Variants in ARNT2 observed in about 807,000 individuals in gnomAD.
ARNT2 encodes aryl hydrocarbon receptor nuclear translocator 2, also known as ARNT protein 2.
A neutral mutation model predicts 91.7 loss-of-function variants in ARNT2; 36 were observed. The ratio of observed to expected loss-of-function variants is 0.39; its 90% CI spans 0.30 to 0.52. The LOEUF (loss-of-function observed/expected upper bound fraction) is 0.52, where lower values mean the gene tolerates loss of function less well. Ranked by LOEUF, ARNT2 falls within the 20% of genes least tolerant of loss-of-function variation. ARNT2 has a pLI of 0.72. For missense variants in ARNT2, 775 were observed against 939.3 expected (o/e 0.83, Z 2.29); for synonymous variants, 365 against 347.1 (o/e 1.05, Z -0.57).
intron 3 of ARNT2, among the ~76,000 whole-genome samples, chr15:80,467,164 T>A (rs1896667588): frequency 3.5e-5 from 3 of 86,388 alleles, no homozygotes; most frequent in African/African-American, 8.5e-5. Context: ...AACATCAGTC[T>A]GGCCACAACA....
intron 1 of ARNT2, among the ~76,000 whole-genome samples, chr15:80,418,029 T>A (rs1895811655): frequency 6.6e-6 from 1 of 152,226 alleles, no homozygotes. Flanking sequence ...GGATGGTACC[T>A]GGCACACAGT....
intron 1 of ARNT2, among the ~76,000 whole-genome samples, chr15:80,438,812 C>T (rs536984007): frequency 4.6e-5 from 7 of 152,266 alleles, no homozygotes; most frequent in African/African-American, 7.2e-5. Context: ...GCCTCAGCCT[C>T]CCAAGTAGCT....
chr15:80,497,138 A>G (rs1000573968), intron 5 of ARNT2, among the ~76,000 whole-genome samples: 5 of 152,238 alleles, frequency 3.3e-5, no homozygotes, highest in African/African-American at 1.2e-4. Context: ...TGGTTATTCA[A>G]TCAAACACTA....
At position 80,513,072 on chromosome 15, in the gene ARNT2, C is replaced by T. The variant is rs1037417759; in HGVS notation, c.726-839C>T. Among the ~76,000 whole-genome samples, 8 of 152,322 alleles carry T rather than the reference C, an allele frequency of 5.3e-5. No homozygotes were observed. In the South Asian group the frequency reaches 1.7e-3, roughly 32 times the overall value. On this transcript the variant is annotated intron_variant, in intron 6 of 18. Coordinates refer to ENST00000303329, the MANE Select transcript of ARNT2 (RefSeq NM_014862.4). ...AGCTGTCTAAGGTCTCAGAGTATAA[C>T]TAGACTCTTATCCCTGCTGTATTGA...
chr15:80,416,279 T>C (rs531570209), intron 1 of ARNT2, among the ~76,000 whole-genome samples: 2 of 152,002 alleles, frequency 1.3e-5, no homozygotes, highest in East Asian at 4.0e-4. Context: ...TTTTACCATG[T>C]TGGCTTTATC....
At chr15:80,483,402 C>G (rs1011619401) in intron 5 of ARNT2, among the ~76,000 whole-genome samples, 2 of 152,214 alleles carry the variant, frequency 1.3e-5, no homozygotes, top group Non-Finnish European at 2.9e-5. Flanking sequence ...GACTCAACTG[C>G]CCTACTTGTG....
At chr15:80,567,160 A>G (rs1024900552) in intron 12 of ARNT2, among the ~76,000 whole-genome samples, 6 of 152,122 alleles carry the variant, frequency 3.9e-5, no homozygotes, top group Admixed American at 1.3e-4. Context: ...TGGGTTATGG[A>G]GGGTGCTGAG....
chr15:80,428,402 A>T (rs1265541712), intron 1 of ARNT2, among the ~76,000 whole-genome samples: 3 of 152,368 alleles, frequency 2.0e-5, no homozygotes, highest in African/African-American at 7.2e-5. Flanking sequence ...TCCATGGACT[A>T]GCAAGTGAGG....
chr15:80,591,895 G>T lies in ARNT2; in HGVS notation c.2055+191G>T, dbSNP rs1234434682. Among the ~76,000 whole-genome samples the T allele has an allele frequency of 6.6e-6, 1 of 152,188 alleles. No individual in the cohort carries two copies. Among genetic ancestry groups the T allele is most frequent in the Non-Finnish European group, 1.5e-5 (1 of 68,014 alleles). On this transcript the variant is annotated intron_variant, in intron 18 of 18. Coordinates refer to ENST00000303329, the MANE Select transcript of ARNT2 (RefSeq NM_014862.4). This position sits in a 1 kb window ranked among gnomAD's most constrained non-coding sequence, Gnocchi z 5.1. ...AGAAACGTCAGGTGCATGTGGGAAGGAGAAGGGGCTGATGTAGCCTTCGAG... is the reference window on the plus strand; with the variant it reads ...AGAAACGTCAGGTGCATGTGGGAAGTAGAAGGGGCTGATGTAGCCTTCGAG...
Position 80,412,924 on chromosome 15 carries a change from C to A in ARNT2, c.31+8378C>A, listed in dbSNP as rs577010080. Among the ~76,000 whole-genome samples, 206 of 152,314 alleles carry A rather than the reference C, an allele frequency of 1.4e-3. 2 individuals are homozygous for A. Among genetic ancestry groups the A allele is most frequent in the African/African-American group, 4.9e-3 (202 of 41,570 alleles). On this transcript the variant is annotated intron_variant, in intron 1 of 18. Transcript: ENST00000303329. ...CAGGTAGGTGGATGAGTAGGTCTTA[C>A]ACCCAGACGCTGTGCCCCCTATCCT...
In ARNT2 at chr15:80,593,652, T is replaced by C; in HGVS notation, c.2108T>C (p.Ile703Thr). Residue 703 changes from isoleucine (I) to threonine (T), a missense_variant, in exon 19 of 19, where the codon ATC becomes ACC. By Grantham distance (89) the Ile-to-Thr change is moderately conservative. Around this residue, in one of 5 missense-constraint regions of ARNT2, gnomAD observed 325 missense variants for 359.9 expected, o/e 0.90. Transcript: ENST00000303329. ...ACCCAGGGGACTGGCAACTATAACA[T>C]CGAAGACTTTGCCGACCTGGGCATG... is the stretch of plus-strand genomic sequence containing the variant. ...DPTQGTGNYN[I>T]EDFADLGMFP... 1.2e-6 allele frequency: 2 copies of C among 1,607,674 alleles called. No homozygotes were observed. The highest frequency in any genetic ancestry group is 1.7e-6 in the Non-Finnish European group (2 of 1,176,390).
chr15:80,475,297 G>C (rs545299410), intron 5 of ARNT2, 74 bp downstream of exon 5: 2 of 1,478,594 alleles, frequency 1.4e-6, no homozygotes, highest in East Asian at 2.3e-5. Flanking sequence ...GCTCACGCCT[G>C]TAATCCCAGT....
At chr15:80,405,904 CAGAGAG>C (rs71690528) in intron 1 of ARNT2, among the ~76,000 whole-genome samples, 247 of 146,114 alleles carry the variant, frequency 1.7e-3, no homozygotes, top group African/African-American at 6.2e-3. Context: ...GAGAGAGAGA[CAGAGAG>C]AGAGAGAGAG....
intron 5 of ARNT2, among the ~76,000 whole-genome samples, chr15:80,494,110 C>T (rs1897092811): frequency 6.6e-6 from 1 of 152,186 alleles, no homozygotes. Flanking sequence ...GCAAATTACT[C>T]AGCCTCGGGT....
At chr15:80,571,020 G>A (rs60470272) in intron 12 of ARNT2, among the ~76,000 whole-genome samples, 9,054 of 152,216 alleles carry the variant, frequency 0.059, 842 homozygotes, top group African/African-American at 0.21. Flanking sequence ...AGGAAATGGC[G>A]TTCAGATCAT....
At chr15:80,495,159 C>G (rs889736328) in intron 5 of ARNT2, among the ~76,000 whole-genome samples, 1 of 152,198 alleles carries the variant, frequency 6.6e-6, no homozygotes, top group Non-Finnish European at 1.5e-5. Flanking sequence ...AAACCCCAGC[C>G]GCCATCTTCC....
At chr15:80,470,472 T>A in intron 4 of ARNT2, 41 bp downstream of exon 4, 1 of 1,597,140 alleles carries the variant, frequency 6.3e-7, no homozygotes, top group Non-Finnish European at 8.6e-7. Flanking sequence ...GCGGGGGGAA[T>A]CCCAGCGTCA....
intron 1 of ARNT2, among the ~76,000 whole-genome samples, chr15:80,429,929 T>C (rs1895985768): frequency 6.6e-6 from 1 of 152,134 alleles, no homozygotes; most frequent in Admixed American, 6.5e-5. Context: ...CCCCACCAGG[T>C]ACCTCTTTCT....
At chr15:80,521,327 A>G (rs1897542230) in intron 8 of ARNT2, among the ~76,000 whole-genome samples, 1 of 152,218 alleles carries the variant, frequency 6.6e-6, no homozygotes, top group South Asian at 2.1e-4. Flanking sequence ...GAAGAGTTAA[A>G]GCATAAAAAA....
Sources: gnomAD v4.1 joint callset for allele counts (sites outside exome capture counted in the v4.1 genomes callset) on GRCh38, gnomAD v4.1.1 for gene constraint, gnomAD v4.1.1 regional missense constraint, Gnocchi (gnomAD v3.1) non-coding constraint, MANE v1.5 for transcripts, NCBI Gene and HGNC (gene_info 2026-07-23, HGNC 2026-07-21) for gene names.